UBE2L3: variants seen among roughly 807,000 people sequenced by gnomAD.
UBE2L3 encodes the protein ubiquitin-conjugating enzyme E2 L3.
A neutral mutation model predicts 17.8 loss-of-function variants in UBE2L3; 1 was observed. That is an observed-to-expected ratio of 0.06 (90% CI 0.02 to 0.27). UBE2L3 has a LOEUF of 0.27. Among genes scored for constraint, UBE2L3 ranks in the 10% least tolerant of loss-of-function variants. The pLI is 1.00. For synonymous variants in UBE2L3, 44 were observed against 68.5 expected (o/e 0.64, Z 1.76); for missense variants, 40 against 192.6 (o/e 0.21, Z 4.69).
intron 2 of UBE2L3, among the ~76,000 whole-genome samples, chr22:21,606,774 G>A (rs531911074): frequency 1.3e-5 from 2 of 152,212 alleles, no homozygotes; most frequent in East Asian, 3.9e-4. Context: ...GCTAGAGCCC[G>A]GGAAGTCAAG....
chr22:21,588,838 AT>A (rs1168929161), intron 1 of UBE2L3, among the ~76,000 whole-genome samples: 2 of 150,956 alleles, frequency 1.3e-5, no homozygotes, highest in Non-Finnish European at 3.0e-5. Context: ...AATTTTTTGT[AT>A]TTTTAGTAGA....
intron 1 of UBE2L3, among the ~76,000 whole-genome samples, chr22:21,562,670 C>G (rs76806551): frequency 9.5e-6 from 1 of 105,224 alleles, no homozygotes; most frequent in Non-Finnish European, 1.9e-5. Context: ...CACGCCTGGG[C>G]TTTTTTTTTT....
intron 1 of UBE2L3, among the ~76,000 whole-genome samples, chr22:21,574,765 G>A (rs2148403832): frequency 6.6e-6 from 1 of 152,282 alleles, no homozygotes; most frequent in South Asian, 2.1e-4. Flanking sequence ...AGGAGATTGA[G>A]ACAATCCTGG....
intron 3 of UBE2L3, among the ~76,000 whole-genome samples, chr22:21,615,283 C>T (rs184497061): frequency 6.9e-4 from 104 of 150,300 alleles, no homozygotes; most frequent in Non-Finnish European, 7.9e-4. Flanking sequence ...GGGCCGGGCG[C>T]GGTGGCTCAC....
chr22:21,576,315 T>G (rs1015217457), intron 1 of UBE2L3, among the ~76,000 whole-genome samples: 1 of 151,248 alleles, frequency 6.6e-6, no homozygotes, highest in Non-Finnish European at 1.5e-5. Context: ...GTTTTTTTTT[T>G]GAGATGGAAT....
At chr22:21,565,936 C>T (rs948214178), upstream of UBE2L3, among the ~76,000 whole-genome samples, 9 of 151,224 alleles carry the variant, frequency 6.0e-5, no homozygotes, top group South Asian at 4.2e-4. Flanking sequence ...ATCCTCTTAC[C>T]CACCTCCATT....
intron 2 of UBE2L3, among the ~76,000 whole-genome samples, chr22:21,600,929 TG>T (rs1928822532): frequency 6.6e-6 from 1 of 151,766 alleles, no homozygotes; most frequent in Non-Finnish European, 1.5e-5. Context: ...CAGCACTTTG[TG>T]GGGCTGAGGA....
In UBE2L3 at chr22:21,616,499, A is replaced by G. The variant is rs558816199; in HGVS notation, c.311-5016A>G. 2.6e-5 allele frequency among the ~76,000 whole-genome samples: 4 copies of G among 152,214 alleles called. No homozygotes were observed. In the South Asian group the frequency reaches 8.3e-4, roughly 32 times the overall value. ...CCCCGTCCCTACTAAAAATACAAAA[A>G]AAATTAGCTGGGCACGGTGGCGTGC... On this transcript the variant is annotated intron_variant, in intron 3 of 3. Transcript: ENST00000342192.
intron 1 of UBE2L3, among the ~76,000 whole-genome samples, chr22:21,556,656 C>G (rs1926240295): frequency 7.5e-6 from 1 of 133,002 alleles, no homozygotes; most frequent in Non-Finnish European, 1.5e-5. Context: ...GAGATAGGGT[C>G]TTACCATGTT....
At chr22:21,613,023 C>G (rs192301905) in intron 3 of UBE2L3, among the ~76,000 whole-genome samples, 6 of 152,284 alleles carry the variant, frequency 3.9e-5, no homozygotes, top group Admixed American at 6.5e-5. Context: ...TTCCTGGAGT[C>G]CTTGCCGAGT....
At chr22:21,564,915 C>G (rs185872794), upstream of UBE2L3, among the ~76,000 whole-genome samples, 1 of 151,978 alleles carries the variant, frequency 6.6e-6, no homozygotes, top group Non-Finnish European at 1.5e-5. Flanking sequence ...TGATGGGGTC[C>G]CTCATGCATA....
At chr22:21,614,694 GA>G in intron 3 of UBE2L3, 1 of 1,313,726 alleles carries the variant, frequency 7.6e-7, no homozygotes. Context: ...ATAGTAATAT[GA>G]AAAGATGCTC....
chr22:21,583,613 A>G (rs909821074), intron 1 of UBE2L3, among the ~76,000 whole-genome samples: 9 of 152,186 alleles, frequency 5.9e-5, no homozygotes, highest in African/African-American at 1.9e-4. Context: ...GAGGGTGTAT[A>G]GTACAGTCTT....
chr22:21,606,551 C>A (rs1334018950), intron 2 of UBE2L3, among the ~76,000 whole-genome samples: 2 of 152,290 alleles, frequency 1.3e-5, no homozygotes, highest in South Asian at 2.1e-4. Context: ...CCATTTAATT[C>A]TCCTCTTGAA....
chr22:21,559,348 A>AAAAT (rs131647), intron 1 of UBE2L3, among the ~76,000 whole-genome samples: 1,658 of 144,434 alleles, frequency 0.011, 182 homozygotes, highest in African/African-American at 0.041. Context: ...ACTCTGTCTC[A>AAAAT]AAATAAATAA....
chr22:21,570,857 G>T (rs1311659676), intron 1 of UBE2L3, among the ~76,000 whole-genome samples: 1 of 152,164 alleles, frequency 6.6e-6, no homozygotes, highest in Non-Finnish European at 1.5e-5. Context: ...AGCAAATGTT[G>T]AATGATCAAA....
chr22:21,568,088 A>G, intron 1 of UBE2L3: 1 of 1,171,084 alleles, frequency 8.5e-7, no homozygotes. Flanking sequence ...GGGCGTCGTT[A>G]ATGTGAGAGC....
chr22:21,565,677 C>T (rs370289592), upstream of UBE2L3, among the ~76,000 whole-genome samples: 5 of 127,926 alleles, frequency 3.9e-5, no homozygotes, highest in Non-Finnish European at 6.3e-5. Flanking sequence ...CACTTGAACC[C>T]GGGAGGCAGA....
intron 2 of UBE2L3, among the ~76,000 whole-genome samples, chr22:21,601,286 A>G: frequency 6.9e-6 from 1 of 145,404 alleles, no homozygotes; most frequent in East Asian, 2.0e-4. Flanking sequence ...CAAGAACTTA[A>G]CCTCCTAAAC....
Sources: gnomAD v4.1 joint callset for allele counts (sites outside exome capture counted in the v4.1 genomes callset) on GRCh38, gnomAD v4.1.1 for gene constraint, MANE v1.5 for transcripts, NCBI Gene and HGNC (gene_info 2026-07-23, HGNC 2026-07-21) for gene names.